The following XPR1 variants were observed in gnomAD, a reference collection of about 807,000 sequenced individuals.
XPR1 encodes the protein solute carrier family 53 member 1.
In XPR1, 28 loss-of-function variants were observed where a neutral mutation model predicts 87.5. The observed-to-expected ratio is 0.32, with a 90% confidence interval of 0.24 to 0.44. The LOEUF (loss-of-function observed/expected upper bound fraction) is 0.44. Among genes scored for constraint, XPR1 ranks in the 20% least tolerant of loss-of-function variants. The probability of loss-of-function intolerance (pLI) is 1.00; values close to 1 mark genes in which losing one functional copy is unlikely to be tolerated. For synonymous variants in XPR1, 300 were observed against 306.1 expected, an observed-to-expected ratio of 0.98 and a Z score of 0.21; for missense variants, 559 against 862.3, an observed-to-expected ratio of 0.65 and a Z score of 4.41.
chr1:180,684,292 T>A (rs1656685847), intron 2 of XPR1, among the ~76,000 whole-genome samples: 1 of 152,236 alleles, frequency 6.6e-6, no homozygotes, highest in Non-Finnish European at 1.5e-5. Context: ...TGCGGCATTA[T>A]TTCTGAGGGC....
chr1:180,690,552 C>G (rs1406294780), intron 2 of XPR1, among the ~76,000 whole-genome samples: 1 of 151,978 alleles, frequency 6.6e-6, no homozygotes. Context: ...CTACATTTCC[C>G]CCATTTTTTC....
At chr1:180,877,376 G>A (rs139582327) in intron 13 of XPR1, among the ~76,000 whole-genome samples, 22 of 152,234 alleles carry the variant, frequency 1.4e-4, no homozygotes, top group African/African-American at 4.8e-4. Flanking sequence ...AAATCCACTC[G>A]TGCATACCTT....
intron 1 of XPR1, among the ~76,000 whole-genome samples, chr1:180,653,830 C>T (rs1211836182): frequency 6.6e-6 from 1 of 152,134 alleles, no homozygotes; most frequent in Non-Finnish European, 1.5e-5. Flanking sequence ...GCATTGACTA[C>T]TAAGTGACTA....
chr1:180,647,465 C>T (rs979127016), intron 1 of XPR1, among the ~76,000 whole-genome samples: 21 of 152,198 alleles, frequency 1.4e-4, no homozygotes, highest in Admixed American at 1.2e-3. Flanking sequence ...ACCAAAACGT[C>T]GTTATGCTGT....
At chr1:180,785,774 A>G (rs1236780290) in intron 2 of XPR1, among the ~76,000 whole-genome samples, 1 of 151,894 alleles carries the variant, frequency 6.6e-6, no homozygotes, top group Non-Finnish European at 1.5e-5. Flanking sequence ...GACCAAGCCC[A>G]TGTTTTGCTT....
intron 13 of XPR1, among the ~76,000 whole-genome samples, chr1:180,875,881 A>G (rs1358250409): frequency 1.3e-5 from 2 of 152,154 alleles, no homozygotes; most frequent in Non-Finnish European, 2.9e-5. Context: ...ACCTAAAGAC[A>G]TTTATTTAAA....
At chr1:180,869,558 C>T (rs1264643987) in intron 12 of XPR1, among the ~76,000 whole-genome samples, 3 of 116,574 alleles carry the variant, frequency 2.6e-5, no homozygotes, top group East Asian at 2.6e-4. Flanking sequence ...GAGTATGTGT[C>T]GAGGAATGTA....
chr1:180,712,678 C>T (rs1423546659), intron 2 of XPR1, among the ~76,000 whole-genome samples: 2 of 151,970 alleles, frequency 1.3e-5, no homozygotes, highest in Admixed American at 6.6e-5. Flanking sequence ...TGGTGGCGTG[C>T]ACCTGTAGTG....
rs184521096 is a variant in XPR1, at chr1:180,667,587, C to T, written c.70-14773C>T. On this transcript the variant is annotated intron_variant, in intron 1 of 14. Transcript: ENST00000367590. The stretch of plus-strand genomic sequence containing the variant: ...GTTTTCTTGTAGCGTATTTGTCTGA[C>T]TTTGGTATCAAAGTAATACTGGCCT... Among the ~76,000 whole-genome samples, 6 of 152,236 alleles carry T rather than the reference C, an allele frequency of 3.9e-5. No homozygotes were observed. In the East Asian group the frequency reaches 1.2e-3, roughly 29 times the overall value.
intron 14 of XPR1, 40 bp from the exon 15 acceptor site, chr1:180,883,966 T>C (rs1230343784): frequency 1.3e-6 from 2 of 1,579,780 alleles, no homozygotes; most frequent in South Asian, 2.2e-5. Context: ...TATATTTGGG[T>C]AATGGACTAA....
intron 2 of XPR1, among the ~76,000 whole-genome samples, chr1:180,718,743 AC>A (rs1317393509): frequency 6.8e-6 from 1 of 147,114 alleles, no homozygotes; most frequent in Non-Finnish European, 1.5e-5. Context: ...ATCTCGGCTC[AC>A]CGCAACCCCT....
At chr1:180,795,766 A>G (rs899657203) in intron 3 of XPR1, among the ~76,000 whole-genome samples, 2 of 152,174 alleles carry the variant, frequency 1.3e-5, no homozygotes, top group African/African-American at 4.8e-5. Flanking sequence ...TGTTTAACAT[A>G]TGTAAAAAGA....
chr1:180,655,210 T>C lies in XPR1; in HGVS notation c.69+22940T>C, dbSNP rs146505917. On this transcript the variant is annotated intron_variant, in intron 1 of 14. Transcript: ENST00000367590. Reference sequence around the variant, plus strand: ...CATCTTTTTATGTGGTTAGTTTGGTTATTTCTTCATTGGAGAAATATCTGT... The same window carrying C: ...CATCTTTTTATGTGGTTAGTTTGGTCATTTCTTCATTGGAGAAATATCTGT... 1.4e-3 allele frequency among the ~76,000 whole-genome samples: 213 copies of C among 152,316 alleles called. 3 individuals are homozygous for C. In the East Asian group the frequency reaches 0.038, roughly 27 times the overall value.
intron 1 of XPR1, among the ~76,000 whole-genome samples, chr1:180,643,068 G>A (rs547131988): frequency 6.6e-6 from 1 of 152,238 alleles, no homozygotes; most frequent in South Asian, 2.1e-4. Flanking sequence ...TGAAGGGTGT[G>A]TAATACCATT....
chr1:180,852,166 T>G (rs1651885399), intron 11 of XPR1, among the ~76,000 whole-genome samples: 1 of 152,106 alleles, frequency 6.6e-6, no homozygotes, highest in Non-Finnish European at 1.5e-5. Flanking sequence ...AGGAAGTGGT[T>G]AACTCAGTGA....
chr1:180,715,290 G>A (rs927413130), intron 2 of XPR1, among the ~76,000 whole-genome samples: 3 of 152,204 alleles, frequency 2.0e-5, no homozygotes, highest in East Asian at 1.9e-4. Context: ...ATTTATGAGC[G>A]TCACTCTGCT....
chr1:180,704,244 G>GTATATATATATATATATATA (rs1157657242), intron 2 of XPR1, among the ~76,000 whole-genome samples: 1 of 16,380 alleles, frequency 6.1e-5, no homozygotes, highest in Non-Finnish European at 1.2e-4. Flanking sequence ...TATAGGTGCT[G>GTATATATATATATATATATA]GATATATATA....
At chr1:180,761,936 C>T (rs898173910) in intron 2 of XPR1, among the ~76,000 whole-genome samples, 1 of 152,080 alleles carries the variant, frequency 6.6e-6, no homozygotes, top group Non-Finnish European at 1.5e-5. Flanking sequence ...GAATACTATG[C>T]AGCCATAAAA....
chr1:180,780,426 A>T (rs1648888784), intron 2 of XPR1, among the ~76,000 whole-genome samples: 1 of 152,096 alleles, frequency 6.6e-6, no homozygotes, highest in Non-Finnish European at 1.5e-5. Context: ...AAATATTTTC[A>T]TGTACTTATT....
Sources: gnomAD v4.1 joint callset for allele counts (sites outside exome capture counted in the v4.1 genomes callset) on GRCh38, gnomAD v4.1.1 for gene constraint, MANE v1.5 for transcripts, NCBI Gene and HGNC (gene_info 2026-07-23, HGNC 2026-07-21) for gene names.